The following TMEM117 variants were observed in gnomAD, a reference collection of about 807,000 sequenced individuals.
TMEM117 encodes the protein transmembrane protein 117.
A neutral mutation model predicts 52.4 loss-of-function variants in TMEM117; 27 were observed. The observed-to-expected ratio is 0.51, with a 90% CI of 0.38 to 0.71. TMEM117 has a LOEUF of 0.71. Among genes scored for constraint, TMEM117 ranks in the 30% least tolerant of loss-of-function variants. The probability of loss-of-function intolerance (pLI) is 0.00; values close to 1 mark genes in which losing one functional copy is unlikely to be tolerated. For missense variants in TMEM117, 556 were observed against 630.5 expected (o/e 0.88, Z 1.26); for synonymous variants, 215 against 206.3 (o/e 1.04, Z -0.36).
chr12:43,962,805 G>T (rs529295580), intron 3 of TMEM117, among the ~76,000 whole-genome samples: 1 of 152,156 alleles, frequency 6.6e-6, no homozygotes, highest in Non-Finnish European at 1.5e-5. Flanking sequence ...GCGGGCGCCT[G>T]TAGTCCCAGC....
chr12:44,342,218 T>C (rs775387718), intron 6 of TMEM117, among the ~76,000 whole-genome samples: 2 of 152,180 alleles, frequency 1.3e-5, no homozygotes, highest in African/African-American at 2.4e-5. Flanking sequence ...ATCACTTTTA[T>C]TACCTTTTCG....
In TMEM117 at chr12:44,377,767, C is replaced by T. The variant is rs192310979; in HGVS notation, c.898+1043C>T. Among the ~76,000 whole-genome samples the T allele has an allele frequency of 1.7e-4, 26 of 152,306 alleles. No homozygotes were observed. The East Asian group carries it at 3.5e-3, about 20-fold the overall frequency. On this transcript the variant is annotated intron_variant, in intron 7 of 7. Coordinates refer to ENST00000266534, the MANE Select transcript of TMEM117 (RefSeq NM_032256.3). Reference sequence around the variant, plus strand: ...CTGAAGAAATCTGTGCTTACACTACCGTCTGTGCTGCCAAATAAAAATAGT... The same window carrying T: ...CTGAAGAAATCTGTGCTTACACTACTGTCTGTGCTGCCAAATAAAAATAGT...
chr12:44,078,075 A>G (rs879627351), intron 3 of TMEM117, among the ~76,000 whole-genome samples: 2 of 152,234 alleles, frequency 1.3e-5, no homozygotes, highest in Non-Finnish European at 2.9e-5. Context: ...ACAGGAATTA[A>G]GTAATCATAA....
chr12:44,017,230 C>T (rs1411534645), intron 3 of TMEM117, among the ~76,000 whole-genome samples: 1 of 100,336 alleles, frequency 1.0e-5, no homozygotes, highest in Non-Finnish European at 1.8e-5. Flanking sequence ...TTTATGAAGC[C>T]TTCTGTGTGT....
chr12:43,848,393 C>T lies in TMEM117; in HGVS notation c.277+3465C>T, dbSNP rs865804495. On this transcript the variant is annotated intron_variant, in intron 2 of 7. Coordinates refer to ENST00000266534, the MANE Select transcript of TMEM117 (RefSeq NM_032256.3). ...ACAAGACAGACATTCCCAGAGCTGC[C>T]GTTTATAGACCTCCCCCCAGAAATG... 1.1e-4 allele frequency among the ~76,000 whole-genome samples: 17 copies of T among 152,110 alleles called. No individual in the cohort carries two copies. In the Middle Eastern group the frequency reaches 0.017, roughly 152 times the overall value.
At chr12:43,929,711 G>T (rs1042859717) in intron 2 of TMEM117, among the ~76,000 whole-genome samples, 2 of 151,942 alleles carry the variant, frequency 1.3e-5, no homozygotes, top group African/African-American at 2.4e-5. Flanking sequence ...GCATTTTCTA[G>T]AAATTTATAT....
chr12:43,835,445 T>C (rs780517014), upstream of TMEM117, among the ~76,000 whole-genome samples: 1 of 152,060 alleles, frequency 6.6e-6, no homozygotes, highest in Non-Finnish European at 1.5e-5. Flanking sequence ...TATTTGTGCA[T>C]CTCTATGTGT....
At chr12:44,239,843 T>C (rs1400621682) in intron 5 of TMEM117, among the ~76,000 whole-genome samples, 1 of 152,252 alleles carries the variant, frequency 6.6e-6, no homozygotes, top group African/African-American at 2.4e-5. Flanking sequence ...TTTTCCTCTT[T>C]ATCTTTATAA....
At chr12:43,912,784 C>G (rs991097406) in intron 2 of TMEM117, among the ~76,000 whole-genome samples, 1 of 151,532 alleles carries the variant, frequency 6.6e-6, no homozygotes, top group African/African-American at 2.4e-5. Context: ...TGCATGTACC[C>G]CAAGAAAATT....
intron 6 of TMEM117, among the ~76,000 whole-genome samples, chr12:44,329,155 C>T (rs1485607886): frequency 6.6e-6 from 1 of 151,974 alleles, no homozygotes; most frequent in Non-Finnish European, 1.5e-5. Context: ...AACAGTGGCC[C>T]AAATGTAATA....
chr12:44,263,708 G>A (rs1950346538), intron 5 of TMEM117: 1 of 152,156 alleles, frequency 6.6e-6, no homozygotes, highest in Non-Finnish European at 1.5e-5. Context: ...TTAGATAAGA[G>A]GGGTAATTAG....
intron 2 of TMEM117, among the ~76,000 whole-genome samples, chr12:43,894,853 T>A (rs78236850): frequency 1.1e-3 from 1 of 910 alleles, no homozygotes; most frequent in Admixed American, 0.026. Context: ...TTCAATGCCC[T>A]TTTTTTTTAA....
At chr12:44,006,160 C>A (rs1322279677) in intron 3 of TMEM117, among the ~76,000 whole-genome samples, 1 of 152,128 alleles carries the variant, frequency 6.6e-6, no homozygotes, top group Non-Finnish European at 1.5e-5. Context: ...TAATGAAAAT[C>A]AGAAAAAGAA....
intron 2 of TMEM117, among the ~76,000 whole-genome samples, chr12:43,934,875 C>T (rs1015430281): frequency 6.6e-6 from 1 of 152,038 alleles, no homozygotes; most frequent in South Asian, 2.1e-4. Context: ...TATATAAAGC[C>T]GTGTTTGTCT....
At chr12:44,242,670 TATAG>T (rs1273577074) in intron 5 of TMEM117, among the ~76,000 whole-genome samples, 1 of 148,038 alleles carries the variant, frequency 6.8e-6, no homozygotes, top group Non-Finnish European at 1.5e-5. Context: ...TATCTATATG[TATAG>T]ATATCCATAC....
At chr12:44,136,104 C>G (rs191946597) in intron 3 of TMEM117, among the ~76,000 whole-genome samples, 3 of 152,122 alleles carry the variant, frequency 2.0e-5, no homozygotes, top group Admixed American at 6.6e-5. Context: ...GTTCTAAACA[C>G]TTAATTTTAT....
chr12:44,115,299 G>T (rs1278357820), intron 3 of TMEM117, among the ~76,000 whole-genome samples: 1 of 152,136 alleles, frequency 6.6e-6, no homozygotes, highest in African/African-American at 2.4e-5. Flanking sequence ...CACACACTGG[G>T]GCCTGTTGTC....
chr12:44,377,583 C>T (rs180972445), intron 7 of TMEM117, among the ~76,000 whole-genome samples: 3 of 152,252 alleles, frequency 2.0e-5, no homozygotes, highest in East Asian at 1.9e-4. Flanking sequence ...CCCGGAGCTA[C>T]GTTTTATATC....
At chr12:44,080,284 A>G (rs1431878429) in intron 3 of TMEM117, among the ~76,000 whole-genome samples, 2 of 152,062 alleles carry the variant, frequency 1.3e-5, no homozygotes, top group Non-Finnish European at 2.9e-5. Flanking sequence ...GTGGAAGGGG[A>G]AGCAAACACG....
Sources: allele counts gnomAD v4.1 joint callset (sites outside exome capture counted in the v4.1 genomes callset), GRCh38; gene constraint gnomAD v4.1.1; transcripts MANE v1.5; gene names NCBI Gene and HGNC (gene_info 2026-07-23, HGNC 2026-07-21).